Variants in FABP2 observed in about 807,000 individuals in gnomAD.
FABP2 encodes fatty acid binding protein 2.
FABP2 carries 11 observed loss-of-function variants against 16.1 expected under a neutral mutation model. The observed-to-expected ratio is 0.68, with a 90% CI of 0.43 to 1.13. The LOEUF (loss-of-function observed/expected upper bound fraction) is 1.13, where lower values mean the gene tolerates loss of function less well. FABP2 is among the 50% of genes most tolerant of loss of function. The pLI, the probability that FABP2 is intolerant of heterozygous loss-of-function variation, is 0.00. For missense variants in FABP2, 146 were observed against 155.1 expected (o/e 0.94, Z 0.31); for synonymous variants, 45 against 50.9 (o/e 0.88, Z 0.49).
At chr4:119,321,675 A>G (rs781605918) in intron 1 of FABP2, among the ~76,000 whole-genome samples, 1 of 152,108 alleles carries the variant, frequency 6.6e-6, no homozygotes, top group Non-Finnish European at 1.5e-5. Context: ...TTGTTTTTCC[A>G]TCTCCTAGAA....
chr4:119,321,638 C>T (rs10006877), intron 1 of FABP2, among the ~76,000 whole-genome samples: 40,782 of 151,906 alleles, frequency 0.27, 5,595 homozygotes, highest in East Asian at 0.38. Flanking sequence ...TTAAGAGAAC[C>T]TTTTCCATTA....
Position 119,320,831 on chromosome 4 carries a change from C to G in FABP2, c.79G>C (p.Val27Leu). Residue 27 changes from valine to leucine, a missense_variant, in exon 2 of 4, where the codon GTG becomes CTG. Val to Leu is a conservative substitution (Grantham distance 32). Coordinates refer to ENST00000274024, the MANE Select transcript of FABP2 (RefSeq NM_000134.4). ...KFMEKMGVNI[V>L]KRKLAAHDNL... Reference sequence around the variant, plus strand: ...TCATGAGCTGCAAGCTTCCTTTTCACTATATTAACACCTGTAAAAGGTAAG... The same window carrying G: ...TCATGAGCTGCAAGCTTCCTTTTCAGTATATTAACACCTGTAAAAGGTAAG... 6.3e-7 allele frequency: 1 copy of G among 1,590,510 alleles called. No homozygotes were observed. The highest frequency in any genetic ancestry group is 8.5e-7 in the Non-Finnish European group (1 of 1,172,366).
intron 2 of FABP2, 135 bp from the exon 3 acceptor site, chr4:119,319,778 A>G (rs1755636054): frequency 1.7e-5 from 6 of 346,206 alleles, no homozygotes; most frequent in Non-Finnish European, 2.9e-5. Context: ...AACTGATACT[A>G]TTATCTCTAC....
Position 119,317,956 on chromosome 4 carries a change from T to A in FABP2, c.*1085A>T, listed in dbSNP as rs990692255. On this transcript the variant is annotated 3_prime_UTR_variant, in exon 4 of 4. Coordinates refer to ENST00000274024, the MANE Select transcript of FABP2 (RefSeq NM_000134.4). The stretch of plus-strand genomic sequence containing the variant: ...CTCAAAGACAAGTTAGTGGACAGGC[T>A]GCATCAGAATCACCAGGAAATTTTC... 1 of 152,106 alleles carries A rather than the reference T, an allele frequency of 6.6e-6. No homozygotes were observed. The highest frequency in any genetic ancestry group is 6.6e-5 in the Admixed American group (1 of 15,250). The allele number at this position is 152,106 out of a possible 1,614,324, so 9.4% of individuals were successfully genotyped here.
Position 119,319,018 on chromosome 4 carries a change from GGACT to G in FABP2, c.*19_*22del, listed in dbSNP as rs750294689. On this transcript the variant is annotated 3_prime_UTR_variant, in exon 4 of 4. Transcript: ENST00000274024. ...AGATCTTCTGTCCAATTTGTATTTT[GGACT>G]GTGCGCCAAGAATAATGCTCAATCC... 2 of 1,577,044 alleles carry G rather than the reference GGACT, an allele frequency of 1.3e-6. No individual in the cohort carries two copies. The highest frequency in any genetic ancestry group is 2.3e-5 in the South Asian group (2 of 87,108).
chr4:119,320,223 A>G (rs1210131420), intron 2 of FABP2, among the ~76,000 whole-genome samples: 2 of 152,106 alleles, frequency 1.3e-5, no homozygotes, highest in Non-Finnish European at 2.9e-5. Context: ...ATGAAAAGGT[A>G]CACTCCCAAT....
chr4:119,318,772 A>G lies in FABP2; in HGVS notation c.*269T>C, dbSNP rs1464295214. The G allele has an allele frequency of 6.0e-6, 2 of 333,230 alleles. No homozygotes were observed. Among genetic ancestry groups the G allele is most frequent in the Non-Finnish European group, 5.5e-6 (1 of 183,096 alleles). 20.6% of individuals were successfully genotyped at this position (333,230 alleles called of 1,614,324 possible). Reference sequence around the variant, plus strand: ...TTTTTCTTTTAAAAGGCAAGGCTACATATAAAGCAACATGGACGCAATATT... The same window carrying G: ...TTTTTCTTTTAAAAGGCAAGGCTACGTATAAAGCAACATGGACGCAATATT... On this transcript the variant is annotated 3_prime_UTR_variant, in exon 4 of 4. Coordinates refer to ENST00000274024, the MANE Select transcript of FABP2 (RefSeq NM_000134.4).
chr4:119,319,458 C>A, intron 3 of FABP2, 78 bp downstream of exon 3: 4 of 773,700 alleles, frequency 5.2e-6, no homozygotes, highest in Non-Finnish European at 8.6e-6. Flanking sequence ...TACTGAAGAT[C>A]TGGCTCAGCA....
chr4:119,319,670 T>TAAC lies in FABP2; in HGVS notation c.241-28_241-27insGTT. 3.0e-6 allele frequency: 3 copies of TAAC among 1,004,980 alleles called. 1 individual carries two copies. Among genetic ancestry groups the TAAC allele is most frequent in the Non-Finnish European group, 4.0e-6 (3 of 748,950 alleles). The allele number at this position is 1,004,980 out of a possible 1,614,324, so 62.3% of individuals were successfully genotyped here. A position where few individuals can be genotyped will look rare whatever the true frequency, so the allele number is the denominator to read the frequency against. ...TACATAATAATAATAATAATAATAA[T>TAAC]AATAATAATGGCATTTATTAGGGTC... On this transcript the variant is annotated intron_variant, in intron 2 of 3. Coordinates refer to ENST00000274024, the MANE Select transcript of FABP2 (RefSeq NM_000134.4).
chr4:119,319,245 C>A (rs369635560), intron 3 of FABP2, among the ~76,000 whole-genome samples, 154 bp from the exon 4 acceptor site: 3 of 151,054 alleles, frequency 2.0e-5, no homozygotes, highest in Non-Finnish European at 4.4e-5. Flanking sequence ...ACAATTTTTT[C>A]TTGTACTTGA....
rs1479312179 is a variant in FABP2 at position 119,317,455 on chromosome 4, C to T, written c.*1586G>A. The T allele has an allele frequency of 1.3e-5, 2 of 152,038 alleles. No homozygotes were observed. The highest frequency in any genetic ancestry group is 4.8e-5 in the African/African-American group (2 of 41,422). The allele number at this position is 152,038 out of a possible 1,614,324, so 9.4% of individuals were successfully genotyped here. On this transcript the variant is annotated 3_prime_UTR_variant, in exon 4 of 4. Coordinates refer to ENST00000274024, the MANE Select transcript of FABP2 (RefSeq NM_000134.4). ...TCTATTATTCTACACTCTGGTGTGTCCATGTGTATACATTATTTAGCTCCC... is the reference window on the plus strand; with the variant it reads ...TCTATTATTCTACACTCTGGTGTGTTCATGTGTATACATTATTTAGCTCCC...
rs1755622555 is a variant in FABP2, at chr4:119,319,020, A to G, written c.*21T>C. 7.0e-6 allele frequency: 11 copies of G among 1,580,574 alleles called. No homozygotes were observed. The East Asian group carries it at 2.6e-4, about 37-fold the overall frequency. Reference sequence around the variant, plus strand: ...ATCTTCTGTCCAATTTGTATTTTGGACTGTGCGCCAAGAATAATGCTCAAT... The same window carrying G: ...ATCTTCTGTCCAATTTGTATTTTGGGCTGTGCGCCAAGAATAATGCTCAAT... On this transcript the variant is annotated 3_prime_UTR_variant, in exon 4 of 4. Transcript: ENST00000274024.
At chr4:119,320,407 G>C (rs998659241) in intron 2 of FABP2, among the ~76,000 whole-genome samples, 1 of 151,938 alleles carries the variant, frequency 6.6e-6, no homozygotes, top group African/African-American at 2.4e-5. Context: ...TTTATGAATA[G>C]GTCTATATTC....
chr4:119,321,785 T>C (rs1755673897), intron 1 of FABP2, among the ~76,000 whole-genome samples: 1 of 152,120 alleles, frequency 6.6e-6, no homozygotes, highest in Non-Finnish European at 1.5e-5. Context: ...GAAGGAAACA[T>C]TTCTGGATCT....
At chr4:119,321,084 T>C (rs1189225082) in intron 1 of FABP2, among the ~76,000 whole-genome samples, 1 of 152,096 alleles carries the variant, frequency 6.6e-6, no homozygotes, top group Admixed American at 6.6e-5. Context: ...TATAGAATCT[T>C]AGAGCTGAGC....
rs1279113459 is a variant in FABP2, at chr4:119,318,130, T to C, written c.*911A>G. Reference sequence around the variant, plus strand: ...TGTACAAAAATGTAATACAATAATTTAATTTAATGTAGTACATCATTTATT... The same window carrying C: ...TGTACAAAAATGTAATACAATAATTCAATTTAATGTAGTACATCATTTATT... On this transcript the variant is annotated 3_prime_UTR_variant, in exon 4 of 4. Transcript: ENST00000274024. 1 of 152,106 alleles carries C rather than the reference T, an allele frequency of 6.6e-6. No homozygotes were observed. Among genetic ancestry groups the C allele is most frequent in the African/African-American group, 2.4e-5 (1 of 41,426 alleles). 9.4% of individuals were successfully genotyped at this position (152,106 alleles called of 1,614,324 possible).
At chr4:119,321,428 GATTTTT>G (rs1215251723) in intron 1 of FABP2, among the ~76,000 whole-genome samples, 1 of 152,024 alleles carries the variant, frequency 6.6e-6, no homozygotes, top group Non-Finnish European at 1.5e-5. Context: ...AATTGATGCA[GATTTTT>G]CTTTTAGGGG....
At position 119,319,518 on chromosome 4, in the gene FABP2, A is replaced by G. The variant is rs745704520; in HGVS notation, c.348+18T>C. 2.7e-6 allele frequency: 4 copies of G among 1,509,222 alleles called. No individual in the cohort carries two copies. In the East Asian group the frequency reaches 7.5e-5, roughly 28 times the overall value. 93.5% of individuals were successfully genotyped at this position (1,509,222 alleles called of 1,614,324 possible). A position where few individuals can be genotyped will look rare whatever the true frequency, so the allele number is the denominator to read the frequency against. ...TAATTTTTGCCTTTTGAAAATAGCT[A>G]TAAATTTGACAACTCACCTGGACTA... On this transcript the variant is annotated intron_variant, in intron 3 of 3. Coordinates refer to ENST00000274024, the MANE Select transcript of FABP2 (RefSeq NM_000134.4).
chr4:119,318,723 G>A lies in FABP2; in HGVS notation c.*318C>T, dbSNP rs11724758. On this transcript the variant is annotated 3_prime_UTR_variant, in exon 4 of 4. Coordinates refer to ENST00000274024, the MANE Select transcript of FABP2 (RefSeq NM_000134.4). The stretch of plus-strand genomic sequence containing the variant: ...GTAAGACCCTCTCTCTACGAAAACA[G>A]TCTGTCAATTCATATTCACATACTT... 0.45 allele frequency: 107,713 copies of A among 241,526 alleles called. 24,797 individuals are homozygous for A. The highest frequency in any genetic ancestry group is 0.54 in the African/African-American group (23,179 of 42,816). The allele number at this position is 241,526 out of a possible 1,614,324, so 15.0% of individuals were successfully genotyped here.
Sources: gnomAD v4.1 joint callset for allele counts (sites outside exome capture counted in the v4.1 genomes callset) on GRCh38, gnomAD v4.1.1 for gene constraint, MANE v1.5 for transcripts, NCBI Gene and HGNC (gene_info 2026-07-23, HGNC 2026-07-21) for gene names.